Variants in METAP1D observed in about 807,000 individuals in gnomAD.
METAP1D encodes methionyl aminopeptidase type 1D, mitochondrial, also known as methionine aminopeptidase 1D, mitochondrial.
METAP1D carries 31 observed loss-of-function variants against 40.5 expected under a neutral mutation model. That is an observed-to-expected ratio of 0.77 (90% CI 0.58 to 1.03). METAP1D has a LOEUF of 1.03. METAP1D is among the 50% of genes least tolerant of loss of function. The pLI is 0.00. For synonymous variants in METAP1D, 151 were observed against 146.4 expected, an observed-to-expected ratio of 1.03 and a Z score of -0.22; for missense variants, 411 against 420.7, an observed-to-expected ratio of 0.98 and a Z score of 0.20.
At chr2:172,037,883 C>T (rs1354019210) in intron 1 of METAP1D, among the ~76,000 whole-genome samples, 1 of 152,178 alleles carries the variant, frequency 6.6e-6, no homozygotes, top group Non-Finnish European at 1.5e-5. Flanking sequence ...AAGACAGAGA[C>T]TTACTTCCTT....
chr2:172,028,134 A>G (rs1366054093), intron 1 of METAP1D, among the ~76,000 whole-genome samples: 1 of 151,920 alleles, frequency 6.6e-6, no homozygotes, highest in Non-Finnish European at 1.5e-5. Context: ...GGAAATAAAC[A>G]AAGCTAAGAG....
chr2:172,075,005 T>A (rs891049872), intron 6 of METAP1D, among the ~76,000 whole-genome samples: 2 of 152,148 alleles, frequency 1.3e-5, no homozygotes, highest in Non-Finnish European at 2.9e-5. Flanking sequence ...TTTACCTAGG[T>A]GACATTTAAA....
At position 172,042,563 on chromosome 2, in the gene METAP1D, G is replaced by GTA. The variant is rs1689594943; in HGVS notation, c.41-18935_41-18934insTA. On this transcript the variant is annotated intron_variant, in intron 1 of 9. Coordinates refer to ENST00000315796, the MANE Select transcript of METAP1D (RefSeq NM_199227.3). ...CATATATGTGTGTATGTGTACATGT[G>GTA]CACATATATACATATATGTGTGTAT... Among the ~76,000 whole-genome samples, 2 of 47,628 alleles carry GTA rather than the reference G, an allele frequency of 4.2e-5. 1 individual carries two copies. The highest frequency in any genetic ancestry group is 8.0e-5 in the Non-Finnish European group (2 of 25,138). 31.2% of individuals were successfully genotyped at this position (47,628 alleles called of 152,430 possible).
At chr2:172,005,704 A>C (rs919561474) in intron 1 of METAP1D, among the ~76,000 whole-genome samples, 3 of 151,148 alleles carry the variant, frequency 2.0e-5, no homozygotes, top group Non-Finnish European at 3.0e-5. Flanking sequence ...TGCCCGGCTA[A>C]TTTTTGTATT....
At chr2:172,060,437 A>T (rs928508182) in intron 1 of METAP1D, among the ~76,000 whole-genome samples, 2 of 151,146 alleles carry the variant, frequency 1.3e-5, no homozygotes, top group African/African-American at 4.9e-5. Flanking sequence ...AAAAAAAAAA[A>T]GTCTTCCTCT....
chr2:172,057,385 C>G (rs1180830316), intron 1 of METAP1D, among the ~76,000 whole-genome samples: 1 of 152,102 alleles, frequency 6.6e-6, no homozygotes, highest in Non-Finnish European at 1.5e-5. Flanking sequence ...TGTGGTCCTG[C>G]CTAGCAATGC....
intron 1 of METAP1D, among the ~76,000 whole-genome samples, chr2:172,029,901 A>G (rs756233420): frequency 6.6e-6 from 1 of 151,788 alleles, no homozygotes; most frequent in African/African-American, 2.4e-5. Context: ...ATTTACAGGC[A>G]TGCGCCACCA....
chr2:172,019,793 G>A (rs939559480), intron 1 of METAP1D, among the ~76,000 whole-genome samples: 2 of 152,086 alleles, frequency 1.3e-5, no homozygotes, highest in African/African-American at 4.8e-5. Context: ...ATTTAGACGA[G>A]CCACCTCTTG....
intron 1 of METAP1D, among the ~76,000 whole-genome samples, chr2:172,026,503 G>A (rs1689122271): frequency 2.0e-5 from 3 of 152,164 alleles, no homozygotes; most frequent in African/African-American, 7.2e-5. Context: ...AACTTAGTGA[G>A]TAGCTCATGA....
In METAP1D at chr2:172,063,715, TAAAG is replaced by T. The variant is rs773767189; in HGVS notation, c.206_209del (p.Lys69SerfsTer5). On this transcript the variant is annotated frameshift_variant, in exon 3 of 10. Coordinates refer to ENST00000315796, the MANE Select transcript of METAP1D (RefSeq NM_199227.3). LOFTEE classifies it high-confidence loss of function. The stretch of plus-strand genomic sequence containing the variant: ...TTTCAATCCTTTTTCCTCAAGCACA[TAAAG>T]AAGCCAGACTATGTGACGACAGGCA... 1,451 of 1,612,892 alleles carry T rather than the reference TAAAG, an allele frequency of 9.0e-4. 1 individual carries two copies. The highest frequency in any genetic ancestry group is 1.1e-3 in the Non-Finnish European group (1,326 of 1,179,180).
chr2:172,059,465 G>C (rs879300825), intron 1 of METAP1D, among the ~76,000 whole-genome samples: 1 of 152,110 alleles, frequency 6.6e-6, no homozygotes, highest in East Asian at 1.9e-4. Context: ...TAGGCTCTGT[G>C]GAACATGTGT....
At chr2:172,000,141 A>G (rs1484160730) in intron 1 of METAP1D, 132 bp downstream of exon 1, 3 of 719,852 alleles carry the variant, frequency 4.2e-6, no homozygotes, top group Non-Finnish European at 5.9e-6. Flanking sequence ...GTTTACGAAC[A>G]CACGCAGGCA....
chr2:172,032,269 T>G (rs1392347310), intron 1 of METAP1D, among the ~76,000 whole-genome samples: 1 of 152,222 alleles, frequency 6.6e-6, no homozygotes, highest in African/African-American at 2.4e-5. Context: ...TCTGAGAGAT[T>G]AATAGTTTTA....
intron 1 of METAP1D, among the ~76,000 whole-genome samples, chr2:172,004,476 G>T (rs547509466): frequency 1.3e-5 from 2 of 151,868 alleles, no homozygotes; most frequent in African/African-American, 2.4e-5. Flanking sequence ...AGCATCCGCC[G>T]CCATGCCCGG....
intron 7 of METAP1D, 88 bp from the exon 8 acceptor site, chr2:172,079,127 T>A (rs1327805372): frequency 7.2e-7 from 1 of 1,383,516 alleles, no homozygotes; most frequent in Admixed American, 1.9e-5. Context: ...CGACCAAGTT[T>A]TTTAAAGGGG....
intron 1 of METAP1D, chr2:172,021,864 G>C (rs1413490597): frequency 6.6e-6 from 1 of 152,204 alleles, no homozygotes; most frequent in East Asian, 1.9e-4. Flanking sequence ...GTATTGAACT[G>C]CAAGTATGAA....
Position 172,035,803 on chromosome 2 carries a change from C to G in METAP1D, c.41-25695C>G, listed in dbSNP as rs552254307. On this transcript the variant is annotated intron_variant, in intron 1 of 9. Coordinates refer to ENST00000315796, the MANE Select transcript of METAP1D (RefSeq NM_199227.3). Reference sequence around the variant, plus strand: ...AGCTGGGACCACAGATGCATGCCATCATGCCTGGCTAATTTTTAATTTTTT... The same window carrying G: ...AGCTGGGACCACAGATGCATGCCATGATGCCTGGCTAATTTTTAATTTTTT... Among the ~76,000 whole-genome samples the G allele has an allele frequency of 2.0e-5, 3 of 152,056 alleles. No individual in the cohort carries two copies. In the East Asian group the frequency reaches 5.8e-4, roughly 29 times the overall value.
chr2:172,023,325 T>C (rs1689048187), intron 1 of METAP1D, among the ~76,000 whole-genome samples: 2 of 152,248 alleles, frequency 1.3e-5, no homozygotes, highest in South Asian at 4.1e-4. Flanking sequence ...GACTGAACTT[T>C]CGTTTTCATA....
At chr2:172,005,207 C>T (rs1328030191) in intron 1 of METAP1D, among the ~76,000 whole-genome samples, 4 of 151,668 alleles carry the variant, frequency 2.6e-5, no homozygotes, top group African/African-American at 4.8e-5. Context: ...GGTAGTTTTT[C>T]GTTACATGGA....
Sources: allele counts gnomAD v4.1 joint callset (sites outside exome capture counted in the v4.1 genomes callset), GRCh38; gene constraint gnomAD v4.1.1; transcripts MANE v1.5; gene names NCBI Gene and HGNC (gene_info 2026-07-23, HGNC 2026-07-21).